The following SKAP1 variants were observed in gnomAD, a reference collection of about 807,000 sequenced individuals.
SKAP1 encodes the protein src kinase associated phosphoprotein 1.
SKAP1 carries 44 observed loss-of-function variants against 58.5 expected under a neutral mutation model. The observed-to-expected ratio is 0.75, with a 90% CI of 0.59 to 0.97. SKAP1 has a LOEUF of 0.97. SKAP1 is among the 50% of genes least tolerant of loss of function. The pLI is 0.00. For synonymous variants in SKAP1, 127 were observed against 149.7 expected (o/e 0.85, Z 1.11); for missense variants, 390 against 435.2 (o/e 0.90, Z 0.92).
chr17:48,224,493 G>A (rs1465692042), intron 4 of SKAP1, among the ~76,000 whole-genome samples: 2 of 152,158 alleles, frequency 1.3e-5, no homozygotes, highest in Non-Finnish European at 2.9e-5. Flanking sequence ...TGATGAAGAT[G>A]ATTTAAATAT....
intron 1 of SKAP1, among the ~76,000 whole-genome samples, chr17:48,416,780 C>T (rs1221987390): frequency 6.6e-6 from 1 of 152,146 alleles, no homozygotes; most frequent in East Asian, 1.9e-4. Flanking sequence ...CTGGTAGAAA[C>T]AAAAATAATA....
chr17:48,202,410 C>T (rs36071506), intron 4 of SKAP1, among the ~76,000 whole-genome samples: 16,954 of 152,016 alleles, frequency 0.11, 1,014 homozygotes, highest in East Asian at 0.19. Flanking sequence ...GGGCCACTCC[C>T]AAGCCAAACC....
chr17:48,150,564 T>A (rs528768522), intron 11 of SKAP1, among the ~76,000 whole-genome samples: 1 of 152,332 alleles, frequency 6.6e-6, no homozygotes, highest in African/African-American at 2.4e-5. Flanking sequence ...CGATTATCTT[T>A]CCCAGTCCGT....
intron 4 of SKAP1, chr17:48,294,526 T>C (rs2065939367): frequency 6.6e-6 from 1 of 152,172 alleles, no homozygotes; most frequent in African/African-American, 2.4e-5. Context: ...GTATGTTGTT[T>C]ACATGCATGT....
chr17:48,392,025 G>A (rs1007227629), intron 2 of SKAP1, among the ~76,000 whole-genome samples: 4 of 151,828 alleles, frequency 2.6e-5, no homozygotes, highest in African/African-American at 9.7e-5. Flanking sequence ...ATAATTAATG[G>A]TAATTATATT....
At chr17:48,427,977 T>C (rs997949245) in intron 1 of SKAP1, among the ~76,000 whole-genome samples, 1 of 152,192 alleles carries the variant, frequency 6.6e-6, no homozygotes, top group Middle Eastern at 3.2e-3. Flanking sequence ...GTTTCTAATA[T>C]GGACAGATTA....
At position 48,414,470 on chromosome 17, in the gene SKAP1, G is replaced by T. The variant is rs73327780; in HGVS notation, c.46+15605C>A. 1.8e-3 allele frequency among the ~76,000 whole-genome samples: 269 copies of T among 152,274 alleles called. 1 individual carries two copies. The highest frequency in any genetic ancestry group is 5.7e-3 in the African/African-American group (236 of 41,544). On this transcript the variant is annotated intron_variant, in intron 1 of 12. Coordinates refer to ENST00000336915, the MANE Select transcript of SKAP1 (RefSeq NM_003726.4). ...AGAGGTCAGGAGAAGGGTGGTGAAA[G>T]ATTAATATGGAGGGCAAGCTTGTAG...
At chr17:48,226,165 A>T (rs78891550) in intron 4 of SKAP1, among the ~76,000 whole-genome samples, 1,537 of 152,238 alleles carry the variant, frequency 0.01, 11 homozygotes, top group Admixed American at 0.028. Flanking sequence ...CCCCCAAATA[A>T]ACTGACCCAC....
chr17:48,298,759 A>G (rs149155044), intron 4 of SKAP1, among the ~76,000 whole-genome samples: 74 of 152,294 alleles, frequency 4.9e-4, no homozygotes, highest in African/African-American at 1.6e-3. Context: ...TCTATTTTCC[A>G]GTGCAATTAC....
At position 48,142,970 on chromosome 17, in the gene SKAP1, TA is replaced by T. The variant is rs999581877; in HGVS notation, c.979-5634del. 1.7e-4 allele frequency among the ~76,000 whole-genome samples: 25 copies of T among 144,012 alleles called. No individual in the cohort carries two copies. The East Asian group carries it at 3.0e-3, about 17-fold the overall frequency. 94.5% of individuals were successfully genotyped at this position (144,012 alleles called of 152,430 possible). On this transcript the variant is annotated intron_variant, in intron 11 of 12. Coordinates refer to ENST00000336915, the MANE Select transcript of SKAP1 (RefSeq NM_003726.4). ...GTGCATTTCACCATGCCTGGCTAGT[TA>T]AAAAAAAAACTTTTTTTTTTTTTTT...
At chr17:48,305,161 TTTG>T (rs748822654) in intron 4 of SKAP1, among the ~76,000 whole-genome samples, 20 of 152,250 alleles carry the variant, frequency 1.3e-4, no homozygotes, top group South Asian at 4.1e-4. Flanking sequence ...GTGTCAAGTT[TTTG>T]TTGTTGTTGT....
intron 4 of SKAP1, among the ~76,000 whole-genome samples, chr17:48,339,953 C>T (rs12940162): frequency 0.21 from 32,330 of 151,904 alleles, 3,461 homozygotes; most frequent in Non-Finnish European, 0.22. Flanking sequence ...GAGGCTGAGG[C>T]GGGTGGATCA....
chr17:48,353,962 G>A lies in SKAP1; in HGVS notation c.179-7956C>T, dbSNP rs75717424. On this transcript the variant is annotated intron_variant, in intron 3 of 12. Transcript: ENST00000336915. ...AGGAAGAAGAAGAAGAAGAAGAAGA[G>A]GAAGAAAAAGAAGAAGAAGAAGAAG... Among the ~76,000 whole-genome samples the A allele has an allele frequency of 9.0e-5, 12 of 132,670 alleles. No homozygotes were observed. In the South Asian group the frequency reaches 2.3e-3, roughly 26 times the overall value. The allele number at this position is 132,670 out of a possible 152,430, so 87.0% of individuals were successfully genotyped here.
At chr17:48,275,854 A>C (rs11656941) in intron 4 of SKAP1, among the ~76,000 whole-genome samples, 20,517 of 152,272 alleles carry the variant, frequency 0.13, 1,717 homozygotes, top group Non-Finnish European at 0.19. Context: ...CATTTGGTCA[A>C]GCCTAAATCA....
chr17:48,182,400 A>T lies in SKAP1; in HGVS notation c.625T>A (p.Leu209Ile). 2 of 1,605,772 alleles carry T rather than the reference A, an allele frequency of 1.2e-6. No homozygotes were observed. The highest frequency in any genetic ancestry group is 1.1e-5 in the South Asian group (1 of 90,150). The change falls in exon 8 of 13, where the codon TTA (leucine) becomes ATA (isoleucine). Residue 209 changes from leucine to isoleucine, a missense_variant. Physicochemically the swap from Leu to Ile is conservative, Grantham distance 5. Transcript: ENST00000336915. ...CTGTAACAATGACACTTACCCTTTA[A>T]CAAGAAACTTATTTGATCCACCCAG... ...RDWVDQISFL[L>I]KDLSSLTIPY...
chr17:48,284,243 C>A (rs1459332528), intron 4 of SKAP1, among the ~76,000 whole-genome samples: 1 of 152,118 alleles, frequency 6.6e-6, no homozygotes, highest in Non-Finnish European at 1.5e-5. Context: ...AAAAGTAGGT[C>A]ACGAATAGAA....
intron 4 of SKAP1, among the ~76,000 whole-genome samples, chr17:48,326,014 C>T (rs1381866087): frequency 4.6e-5 from 7 of 152,174 alleles, no homozygotes; most frequent in African/African-American, 1.7e-4. Flanking sequence ...AATGTACACA[C>T]ACATCATCAT....
At chr17:48,367,645 T>C (rs577431030) in intron 2 of SKAP1, among the ~76,000 whole-genome samples, 16 of 149,758 alleles carry the variant, frequency 1.1e-4, no homozygotes, top group African/African-American at 3.7e-4. Context: ...AGGTCAGGTG[T>C]GGTGGCTCAC....
At chr17:48,369,372 T>C (rs957329143) in intron 2 of SKAP1, among the ~76,000 whole-genome samples, 1 of 151,162 alleles carries the variant, frequency 6.6e-6, no homozygotes, top group Admixed American at 6.6e-5. Context: ...GCACCTGCAG[T>C]CCCAGTTACT....
Sources: allele counts gnomAD v4.1 joint callset (sites outside exome capture counted in the v4.1 genomes callset), GRCh38; gene constraint gnomAD v4.1.1; transcripts MANE v1.5; gene names NCBI Gene and HGNC (gene_info 2026-07-23, HGNC 2026-07-21).